UPP2: variants seen among roughly 807,000 people sequenced by gnomAD.
UPP2 encodes the protein UPase 2.
Under a neutral mutation model 26.7 loss-of-function variants are expected in UPP2, and 23 were observed. The ratio of observed to expected loss-of-function variants is 0.86; its 90% confidence interval spans 0.62 to 1.22. The LOEUF is 1.22. Ranked by LOEUF, UPP2 falls within the 50% of genes most tolerant of loss-of-function variation. The pLI is 0.00. For missense variants in UPP2, 387 were observed against 396.7 expected (o/e 0.98, Z 0.21); for synonymous variants, 127 against 141.3 (o/e 0.90, Z 0.72).
chr2:158,039,917 T>C (rs546466532), intron 3 of UPP2, among the ~76,000 whole-genome samples: 6 of 152,338 alleles, frequency 3.9e-5, no homozygotes, highest in African/African-American at 1.4e-4. Context: ...GTGCCTTCCA[T>C]CTGGAACTTA....
At chr2:158,047,977 A>G (rs1305917190) in intron 3 of UPP2, among the ~76,000 whole-genome samples, 2 of 152,038 alleles carry the variant, frequency 1.3e-5, no homozygotes, top group African/African-American at 4.8e-5. Flanking sequence ...AAGTATGTAC[A>G]GTGAGCAGTC....
chr2:158,014,752 T>C (rs1683633738), intron 2 of UPP2, among the ~76,000 whole-genome samples: 1 of 152,192 alleles, frequency 6.6e-6, no homozygotes, highest in African/African-American at 2.4e-5. Context: ...ATAGAGATCA[T>C]GCCAACTTCC....
At chr2:158,110,701 G>A (rs1420583614) in intron 2 of UPP2, among the ~76,000 whole-genome samples, 1 of 152,124 alleles carries the variant, frequency 6.6e-6, no homozygotes, top group African/African-American at 2.4e-5. Flanking sequence ...TTTAATGATT[G>A]CCATTCTAAC....
intron 1 of UPP2, among the ~76,000 whole-genome samples, chr2:158,103,174 T>C (rs748528272): frequency 1.3e-5 from 2 of 152,228 alleles, no homozygotes; most frequent in Non-Finnish European, 2.9e-5. Context: ...TTGGTACTGA[T>C]AAAGTGATCA....
intron 3 of UPP2, among the ~76,000 whole-genome samples, chr2:158,032,272 A>C (rs1683933715): frequency 6.6e-6 from 1 of 152,168 alleles, no homozygotes; most frequent in Non-Finnish European, 1.5e-5. Context: ...GAAGTCATGC[A>C]CATCCTGTCA....
chr2:158,073,278 T>C (rs1433346674), intron 3 of UPP2, among the ~76,000 whole-genome samples: 1 of 151,596 alleles, frequency 6.6e-6, no homozygotes, highest in Non-Finnish European at 1.5e-5. Context: ...TGTTTGAAAA[T>C]GTATAGTCAA....
intron 3 of UPP2, among the ~76,000 whole-genome samples, chr2:158,076,569 C>A (rs565746267): frequency 1.3e-5 from 2 of 152,088 alleles, no homozygotes; most frequent in African/African-American, 2.4e-5. Flanking sequence ...GGATGAAAAT[C>A]ATATGATTAT....
chr2:158,049,269 G>T (rs534465831), intron 3 of UPP2, among the ~76,000 whole-genome samples: 2 of 152,296 alleles, frequency 1.3e-5, no homozygotes, highest in East Asian at 3.9e-4. Flanking sequence ...TATCATGGTG[G>T]GCTCTGTGAC....
chr2:158,044,202 G>A (rs1373487385), intron 3 of UPP2, among the ~76,000 whole-genome samples: 1 of 152,226 alleles, frequency 6.6e-6, no homozygotes, highest in Non-Finnish European at 1.5e-5. Context: ...AAATCATTGA[G>A]GAACTGCAGA....
chr2:158,135,106 A>G lies in UPP2; in HGVS notation c.*216A>G, dbSNP rs916199581. The stretch of plus-strand genomic sequence containing the variant: ...TTTCATTTTAGAATAAGTTAACTAA[A>G]TCAGTCTAATAATTAAAATTTTAAA... On this transcript the variant is annotated 3_prime_UTR_variant, in exon 7 of 7. Transcript: ENST00000005756. The G allele has an allele frequency of 1.2e-5, 6 of 502,536 alleles. No homozygotes were observed. The highest frequency in any genetic ancestry group is 1.9e-5 in the Non-Finnish European group (6 of 316,156). The allele number at this position is 502,536 out of a possible 1,614,324, so 31.1% of individuals were successfully genotyped here.
chr2:158,090,193 G>T (rs1682884389), intron 3 of UPP2, among the ~76,000 whole-genome samples: 1 of 152,126 alleles, frequency 6.6e-6, no homozygotes, highest in Non-Finnish European at 1.5e-5. Context: ...ATTACACATT[G>T]TGTGCCTGTA....
rs192521330 is a variant in UPP2, at chr2:158,093,152, G to A, written c.148-8888G>A. 4.1e-3 allele frequency among the ~76,000 whole-genome samples: 629 copies of A among 151,988 alleles called. 2 individuals carry two copies. The highest frequency in any genetic ancestry group is 0.014 in the African/African-American group (563 of 41,472). On this transcript the variant is annotated intron_variant, in intron 3 of 9. Transcript: ENST00000605860. The stretch of plus-strand genomic sequence containing the variant: ...GCTAGGCTGGTCTCAAACTCCTGAC[G>A]TCAAGTAATCTGTCCACCTCAGCCT...
chr2:158,057,923 C>T (rs1378002992), intron 3 of UPP2, among the ~76,000 whole-genome samples: 1 of 151,852 alleles, frequency 6.6e-6, no homozygotes, highest in African/African-American at 2.4e-5. Flanking sequence ...GAGACAGGGC[C>T]TATAAGCAGA....
chr2:158,104,958 A>G (rs1683151948), intron 1 of UPP2, among the ~76,000 whole-genome samples: 6 of 69,880 alleles, frequency 8.6e-5, no homozygotes, highest in African/African-American at 4.1e-4. Context: ...AAGGGAAGGG[A>G]AGGGAAGGGA....
chr2:158,051,028 C>T lies in UPP2; in HGVS notation c.147+35142C>T, dbSNP rs185622393. Reference sequence around the variant, plus strand: ...GCCTGTATCAAAACATCTCAGGTACCCCAGAAATATATATACATGTACCCC... The same window carrying T: ...GCCTGTATCAAAACATCTCAGGTACTCCAGAAATATATATACATGTACCCC... On this transcript the variant is annotated intron_variant, in intron 3 of 9. Coordinates refer to the UPP2 transcript ENST00000605860. 2.9e-4 allele frequency among the ~76,000 whole-genome samples: 44 copies of T among 151,826 alleles called. 1 individual carries two copies. Among genetic ancestry groups the T allele is most frequent in the East Asian group, 2.3e-3 (12 of 5,170 alleles).
chr2:158,099,681 T>A (rs1366909558), upstream of UPP2, among the ~76,000 whole-genome samples: 1 of 152,192 alleles, frequency 6.6e-6, no homozygotes, highest in African/African-American at 2.4e-5. Context: ...GAGGCCTAAA[T>A]GCTATCCAGT....
At chr2:158,045,786 C>T (rs1017420137) in intron 3 of UPP2, among the ~76,000 whole-genome samples, 6 of 152,064 alleles carry the variant, frequency 3.9e-5, no homozygotes, top group South Asian at 2.1e-4. Context: ...CAGTAAAGTG[C>T]GGTGAGGCCA....
chr2:158,037,197 A>T (rs908949696), intron 3 of UPP2, among the ~76,000 whole-genome samples: 1 of 149,206 alleles, frequency 6.7e-6, no homozygotes, highest in African/African-American at 2.4e-5. Flanking sequence ...ACATAGTGAA[A>T]CCCCATCTCT....
chr2:158,011,588 C>A (rs1007176787), intron 2 of UPP2, among the ~76,000 whole-genome samples: 2 of 151,322 alleles, frequency 1.3e-5, no homozygotes, highest in African/African-American at 4.9e-5. Context: ...AGTTGTCCAC[C>A]ACTGAAGGGA....
Sources: allele counts gnomAD v4.1 joint callset (sites outside exome capture counted in the v4.1 genomes callset), GRCh38; gene constraint gnomAD v4.1.1; transcripts MANE v1.5; gene names NCBI Gene and HGNC (gene_info 2026-07-23, HGNC 2026-07-21).